The following ITGA9 variants were observed in gnomAD, a reference collection of about 807,000 sequenced individuals.
The protein encoded by ITGA9 is integrin subunit alpha 9.
A neutral mutation model predicts 127.8 loss-of-function variants in ITGA9; 56 were observed. The ratio of observed to expected loss-of-function variants is 0.44; its 90% CI spans 0.35 to 0.55. The LOEUF (loss-of-function observed/expected upper bound fraction) is 0.55, where lower values mean the gene tolerates loss of function less well. ITGA9 is among the 20% of genes least tolerant of loss of function. The pLI, the probability that ITGA9 is intolerant of heterozygous loss-of-function variation, is 0.00. For synonymous variants in ITGA9, 508 were observed against 514.5 expected, an observed-to-expected ratio of 0.99 and a Z score of 0.17; for missense variants, 1,196 against 1,347.1, an observed-to-expected ratio of 0.89 and a Z score of 1.76.
intron 15 of ITGA9, among the ~76,000 whole-genome samples, chr3:37,579,977 T>C (rs140312906): frequency 1.4e-4 from 21 of 152,344 alleles, no homozygotes; most frequent in African/African-American, 4.8e-4. Flanking sequence ...TTTAATGTGT[T>C]TTTAATGATA....
At chr3:37,662,908 A>G (rs761445148) in intron 17 of ITGA9, among the ~76,000 whole-genome samples, 159 of 152,340 alleles carry the variant, frequency 1.0e-3, no homozygotes, top group Non-Finnish European at 2.0e-3. Context: ...GACAGAGGGA[A>G]GGACATCTGG....
chr3:37,797,527 C>A (rs1467506827), intron 26 of ITGA9, among the ~76,000 whole-genome samples: 1 of 152,020 alleles, frequency 6.6e-6, no homozygotes, highest in African/African-American at 2.4e-5. Context: ...CTTGGGAAAG[C>A]AGATATTGGA....
At chr3:37,628,831 A>C (rs1700201344) in intron 15 of ITGA9, among the ~76,000 whole-genome samples, 1 of 152,248 alleles carries the variant, frequency 6.6e-6, no homozygotes, top group East Asian at 1.9e-4. Context: ...CACTGAATGC[A>C]AAGGGTTAGC....
chr3:37,519,761 T>C (rs1699025925), intron 11 of ITGA9, among the ~76,000 whole-genome samples: 1 of 152,262 alleles, frequency 6.6e-6, no homozygotes, highest in South Asian at 2.1e-4. Context: ...GATCACAGAC[T>C]GTCGTCCCAG....
chr3:37,566,401 G>A (rs1221875663), intron 15 of ITGA9, among the ~76,000 whole-genome samples: 1 of 152,164 alleles, frequency 6.6e-6, no homozygotes, highest in Non-Finnish European at 1.5e-5. Flanking sequence ...GTGAGGATGA[G>A]GGGAACTACT....
At chr3:37,790,984 T>G (rs992691384) in intron 26 of ITGA9, 4 of 152,092 alleles carry the variant, frequency 2.6e-5, no homozygotes, top group African/African-American at 9.7e-5. Flanking sequence ...AGAAAAGGAA[T>G]TTATCTCTGA....
At chr3:37,480,434 C>G (rs1698541092) in intron 3 of ITGA9, among the ~76,000 whole-genome samples, 1 of 152,186 alleles carries the variant, frequency 6.6e-6, no homozygotes, top group South Asian at 2.1e-4. Flanking sequence ...GACCCTTGGC[C>G]ATGAACCTTC....
chr3:37,596,221 T>C (rs1042305406), intron 15 of ITGA9, among the ~76,000 whole-genome samples: 2 of 152,218 alleles, frequency 1.3e-5, no homozygotes, highest in African/African-American at 2.4e-5. Flanking sequence ...GGTGAGTCTT[T>C]CTAAATCCTG....
rs371547926 is a variant in ITGA9, at chr3:37,631,713, A to G, written c.1839+2377A>G. The stretch of plus-strand genomic sequence containing the variant: ...AAGCTGCAGCCACAGCCAGGCCAAC[A>G]GTTACAGAGGGGGCCAGAGTAAGAA... On this transcript the variant is annotated intron_variant, in intron 16 of 27. Transcript: ENST00000264741. Among the ~76,000 whole-genome samples the G allele has an allele frequency of 2.6e-5, 4 of 152,296 alleles. No homozygotes were observed. The East Asian group carries it at 5.8e-4, about 22-fold the overall frequency.
At chr3:37,506,481 T>C (rs908814243) in intron 7 of ITGA9, among the ~76,000 whole-genome samples, 1 of 152,212 alleles carries the variant, frequency 6.6e-6, no homozygotes, top group African/African-American at 2.4e-5. Flanking sequence ...TCAGATATCT[T>C]TGAGGCTTTA....
chr3:37,711,084 C>T (rs1314688738), intron 18 of ITGA9, among the ~76,000 whole-genome samples: 3 of 152,198 alleles, frequency 2.0e-5, no homozygotes, highest in Non-Finnish European at 2.9e-5. Context: ...CTGAAGGCTC[C>T]ACTGGAGGAT....
intron 15 of ITGA9, among the ~76,000 whole-genome samples, chr3:37,551,361 G>A (rs1227081881): frequency 6.6e-6 from 1 of 152,156 alleles, no homozygotes; most frequent in Non-Finnish European, 1.5e-5. Flanking sequence ...GGCTTGCTTG[G>A]AGGGGACTGG....
intron 15 of ITGA9, among the ~76,000 whole-genome samples, chr3:37,567,106 G>A (rs1699554698): frequency 6.6e-6 from 1 of 152,212 alleles, no homozygotes; most frequent in East Asian, 1.9e-4. Context: ...CCGAGATTGG[G>A]TAAATTATAA....
chr3:37,772,362 C>G (rs991494320), intron 23 of ITGA9, among the ~76,000 whole-genome samples: 6 of 151,812 alleles, frequency 4.0e-5, no homozygotes, highest in Non-Finnish European at 8.8e-5. Context: ...GAGCCAAGAT[C>G]GCACCACTGC....
chr3:37,505,574 G>A (rs1021321817), intron 6 of ITGA9, among the ~76,000 whole-genome samples: 2 of 152,164 alleles, frequency 1.3e-5, no homozygotes, highest in Admixed American at 1.3e-4. Context: ...GACTGGGAAA[G>A]GGCATGAGGG....
Position 37,814,462 on chromosome 3 carries a change from G to A in ITGA9, c.3010-4429G>A, listed in dbSNP as rs1372770744. On this transcript the variant is annotated intron_variant, in intron 27 of 27. Transcript: ENST00000264741. The surrounding 1 kb of genome is among the most constrained non-coding windows in gnomAD (Gnocchi z 4.3). Reference sequence around the variant, plus strand: ...GACCTGTAATTCCAGCTACTTGGGAGGCTGAGGCAGGAGAATCGCTTGAAC... The same window carrying A: ...GACCTGTAATTCCAGCTACTTGGGAAGCTGAGGCAGGAGAATCGCTTGAAC... 6.6e-6 allele frequency among the ~76,000 whole-genome samples: 1 copy of A among 152,200 alleles called. No homozygotes were observed. Among genetic ancestry groups the A allele is most frequent in the Non-Finnish European group, 1.5e-5 (1 of 68,038 alleles).
Position 37,806,305 on chromosome 3 carries a change from G to A in ITGA9, c.3009+2363G>A, listed in dbSNP as rs527626700. The A allele has an allele frequency of 0.022, 3,211 of 143,034 alleles. 52 individuals are homozygous for A. Among genetic ancestry groups the A allele is most frequent in the Middle Eastern group, 0.05 (15 of 298 alleles). The allele number at this position is 143,034 out of a possible 1,614,324, so 8.9% of individuals were successfully genotyped here. On this transcript the variant is annotated intron_variant, in intron 27 of 27. Transcript: ENST00000264741. The surrounding 1 kb of genome is among the most constrained non-coding windows in gnomAD (Gnocchi z 4.3). ...TGTGGGTGTGTGTGTGTGTGCGTGC[G>A]CGTGTGTGTGTGTGTATGTGACTTC...
chr3:37,494,686 G>A (rs1012207052), intron 5 of ITGA9, 118 bp downstream of exon 5: 1 of 827,982 alleles, frequency 1.2e-6, no homozygotes, highest in Admixed American at 2.0e-5. Flanking sequence ...TGAGCCTCGA[G>A]GGAGCAGATT....
chr3:37,687,071 A>C (rs1296858065), intron 18 of ITGA9, among the ~76,000 whole-genome samples: 1 of 152,226 alleles, frequency 6.6e-6, no homozygotes, highest in East Asian at 1.9e-4. Flanking sequence ...TAAAAAGATT[A>C]TTAATAGAAA....
Sources: gnomAD v4.1 joint callset for allele counts (sites outside exome capture counted in the v4.1 genomes callset) on GRCh38, gnomAD v4.1.1 for gene constraint, Gnocchi (gnomAD v3.1) non-coding constraint, MANE v1.5 for transcripts, NCBI Gene and HGNC (gene_info 2026-07-23, HGNC 2026-07-21) for gene names.